The following POR variants were observed in gnomAD, a reference collection of about 807,000 sequenced individuals.
POR encodes NADPH--cytochrome P450 reductase.
In POR, 56 loss-of-function variants were observed where a neutral mutation model predicts 84.0. The ratio of observed to expected loss-of-function variants is 0.67; its 90% CI spans 0.54 to 0.83. POR has a LOEUF of 0.83. Among genes scored for constraint, POR ranks in the 40% least tolerant of loss-of-function variants. The pLI, the probability that POR is intolerant of heterozygous loss-of-function variation, is 0.00. For synonymous variants in POR, 414 were observed against 400.5 expected (o/e 1.03, Z -0.40); for missense variants, 938 against 944.3 (o/e 0.99, Z 0.09).
chr7:75,961,092 G>T lies in POR; in HGVS notation c.188+6912G>T, dbSNP rs1004642139. On this transcript the variant is annotated intron_variant, in intron 2 of 15. Transcript: ENST00000461988. ...TACAAAAAGTACAAAAATTAGCTGG[G>T]CATGGTGGTGCGTGCCTGTAATCCC... Among the ~76,000 whole-genome samples, 6 of 152,004 alleles carry T rather than the reference G, an allele frequency of 3.9e-5. 1 individual carries two copies. Among genetic ancestry groups the T allele is most frequent in the Admixed American group, 3.9e-4 (6 of 15,226 alleles).
chr7:75,985,395 T>A, intron 12 of POR, 184 bp from the exon 13 acceptor site: 1 of 1,125,804 alleles, frequency 8.9e-7, no homozygotes, highest in South Asian at 1.7e-5. Flanking sequence ...TCTCAGCATC[T>A]GTCCAGCCCC....
At chr7:75,950,421 A>G (rs1554552592) in intron 1 of POR, among the ~76,000 whole-genome samples, 1 of 152,120 alleles carries the variant, frequency 6.6e-6, no homozygotes, top group African/African-American at 2.4e-5. Context: ...GTTAGAAGGG[A>G]GGAGGGTGAG....
chr7:75,981,554 T>G lies in POR; in HGVS notation c.679T>G (p.Trp227Gly). The G allele has an allele frequency of 6.2e-7, 1 of 1,613,120 alleles. No individual in the cohort carries two copies. Residue 227 changes from tryptophan (W) to glycine (G), a missense_variant, in exon 7 of 16, where the codon TGG (tryptophan) becomes GGG (glycine). Trp to Gly is a radical substitution (Grantham distance 184, BLOSUM62 -2). Coordinates refer to ENST00000461988, the MANE Select transcript of POR (RefSeq NM_000941.3). ...CTTCATCACCTGGCGAGAGCAGTTC[T>G]GGCCGGCCGTGTGTGAACACTTTGG...
At chr7:75,985,901 C>T in intron 13 of POR, 22 bp from the exon 14 acceptor site, 1 of 1,564,456 alleles carries the variant, frequency 6.4e-7, no homozygotes, top group Non-Finnish European at 8.7e-7. Context: ...GCCCCGCGCT[C>T]ACCCCGGCCC....
chr7:75,962,207 G>C (rs1434198538), intron 2 of POR, among the ~76,000 whole-genome samples: 2 of 152,144 alleles, frequency 1.3e-5, no homozygotes, highest in African/African-American at 4.8e-5. Context: ...ATCTAAACAA[G>C]ACCCATACAC....
chr7:75,956,137 GA>G (rs782286957), intron 2 of POR, among the ~76,000 whole-genome samples: 31 of 151,958 alleles, frequency 2.0e-4, no homozygotes, highest in Non-Finnish European at 3.5e-4. Flanking sequence ...CGTCTCTACC[GA>G]AAATACAAAA....
chr7:75,935,447 A>C (rs1236735428), intron 1 of POR, among the ~76,000 whole-genome samples: 3 of 151,516 alleles, frequency 2.0e-5, no homozygotes, highest in African/African-American at 7.3e-5. Flanking sequence ...GGGTTTCATC[A>C]TGTTGGCCAG....
intron 1 of POR, among the ~76,000 whole-genome samples, chr7:75,939,536 C>CA (rs71519401): frequency 7.9e-5 from 10 of 126,104 alleles, no homozygotes; most frequent in Non-Finnish European, 1.7e-4. Context: ...TACTCAACAG[C>CA]TTTTTTTTTT....
chr7:75,980,573 C>T, intron 5 of POR, 85 bp downstream of exon 5: 1 of 1,611,116 alleles, frequency 6.2e-7, no homozygotes, highest in South Asian at 1.1e-5. Context: ...TGAAAGGCAG[C>T]CCTCCAGACC....
intron 2 of POR, among the ~76,000 whole-genome samples, chr7:75,958,389 A>T (rs1367050109): frequency 3.3e-5 from 5 of 151,980 alleles, no homozygotes; most frequent in African/African-American, 1.2e-4. Context: ...AAGTGCTGGG[A>T]TTACAGGCGT....
At chr7:75,939,404 A>G (rs1807852916) in intron 1 of POR, among the ~76,000 whole-genome samples, 1 of 152,160 alleles carries the variant, frequency 6.6e-6, no homozygotes, top group South Asian at 2.1e-4. Context: ...TTTTAGCCAC[A>G]CAGAGCCGTG....
Position 75,984,869 on chromosome 7 carries a change from A to G in POR, c.1159A>G (p.Asn387Asp). The G allele has an allele frequency of 6.2e-7, 1 of 1,612,500 alleles. No homozygotes were observed. Among genetic ancestry groups the G allele is most frequent in the Non-Finnish European group, 8.5e-7 (1 of 1,179,768 alleles). ...GGACATCACCAACCCGCCGCGTACC[A>G]ACGTGCTGTACGAGCTGGCGCAGTA... The change falls in exon 11 of 16, where the codon AAC (asparagine) becomes GAC (aspartate). Residue 387 changes from asparagine to aspartate, a missense_variant. By Grantham distance (23) the Asn-to-Asp change is conservative. Coordinates refer to ENST00000461988, the MANE Select transcript of POR (RefSeq NM_000941.3).
At chr7:75,970,094 G>A (rs1484860206) in intron 2 of POR, among the ~76,000 whole-genome samples, 3 of 152,118 alleles carry the variant, frequency 2.0e-5, no homozygotes, top group Non-Finnish European at 4.4e-5. Context: ...GAGTAGCTTA[G>A]CGTAGCCCAG....
At chr7:75,923,312 A>C in intron 1 of POR, 1 of 1,187,448 alleles carries the variant, frequency 8.4e-7, no homozygotes, top group Non-Finnish European at 1.2e-6. Flanking sequence ...AGGAGATCTC[A>C]TGGTTCTTGT....
intron 5 of POR, 142 bp downstream of exon 5, chr7:75,980,630 T>C: frequency 3.8e-6 from 6 of 1,576,438 alleles, no homozygotes; most frequent in Non-Finnish European, 5.1e-6. Context: ...TGAGACCCTC[T>C]CCTCTGCCCC....
rs782467599 is a variant in POR, at chr7:75,984,877, G to A, written c.1167G>A (p.Leu389=). 2 of 1,612,542 alleles carry A rather than the reference G, an allele frequency of 1.2e-6. No individual in the cohort carries two copies. Among genetic ancestry groups the A allele is most frequent in the Admixed American group, 3.3e-5 (2 of 60,014 alleles). Residue 389 remains leucine, a synonymous_variant, in exon 11 of 16, where the codon CTG becomes CTA. Coordinates refer to ENST00000461988, the MANE Select transcript of POR (RefSeq NM_000941.3). ...CCAACCCGCCGCGTACCAACGTGCT[G>A]TACGAGCTGGCGCAGTACGCCTCGG...
At chr7:75,986,126 G>A (rs1554559358) in intron 14 of POR, 33 bp from the exon 15 acceptor site, 1 of 1,589,270 alleles carries the variant, frequency 6.3e-7, no homozygotes, top group East Asian at 2.3e-5. Flanking sequence ...CACAGCCACA[G>A]TGCCCCCCTC....
chr7:75,917,984 C>T lies in POR; in HGVS notation c.-5+2805C>T, dbSNP rs189817885. ...TTTGAGACCAGCCTGGGCAACACGG[C>T]GAATCCCTGTCTCTATAAAAAAAAT... On this transcript the variant is annotated intron_variant, in intron 1 of 15. Transcript: ENST00000461988. Among the ~76,000 whole-genome samples the T allele has an allele frequency of 9.9e-5, 15 of 151,912 alleles. No homozygotes were observed. In the East Asian group the frequency reaches 2.5e-3, roughly 25 times the overall value.
intron 1 of POR, among the ~76,000 whole-genome samples, chr7:75,948,066 T>A (rs1787257804): frequency 6.6e-6 from 1 of 152,044 alleles, no homozygotes. Context: ...TGTTCTTCCC[T>A]CAAGGAGCTC....
Sources: allele counts gnomAD v4.1 joint callset (sites outside exome capture counted in the v4.1 genomes callset), GRCh38; gene constraint gnomAD v4.1.1; transcripts MANE v1.5; gene names NCBI Gene and HGNC (gene_info 2026-07-23, HGNC 2026-07-21).